SLC24A3: variants seen among roughly 807,000 people sequenced by gnomAD.
SLC24A3 encodes solute carrier family 24 member 3.
Under a neutral mutation model 75.8 loss-of-function variants are expected in SLC24A3, and 28 were observed. That is an observed-to-expected ratio of 0.37 (90% CI 0.27 to 0.51). The LOEUF (loss-of-function observed/expected upper bound fraction) is 0.51. Among genes scored for constraint, SLC24A3 ranks in the 20% least tolerant of loss-of-function variants. The probability of loss-of-function intolerance (pLI) is 0.94; values close to 1 mark genes in which losing one functional copy is unlikely to be tolerated. For synonymous variants in SLC24A3, 372 were observed against 334.1 expected (o/e 1.11, Z -1.24); for missense variants, 663 against 847.8 (o/e 0.78, Z 2.71).
chr20:19,280,083 C>T (rs981468080), intron 1 of SLC24A3, among the ~76,000 whole-genome samples: 10 of 152,336 alleles, frequency 6.6e-5, no homozygotes, highest in Non-Finnish European at 1.2e-4. Flanking sequence ...CTTCCAATGA[C>T]TTCCAAAGTT....
rs184438524 is a variant in SLC24A3 at position 19,288,438 on chromosome 20, C to T, written c.271+7351C>T. 2.4e-3 allele frequency among the ~76,000 whole-genome samples: 371 copies of T among 152,272 alleles called. 1 individual carries two copies. The highest frequency in any genetic ancestry group is 8.1e-3 in the African/African-American group (335 of 41,558). ...TTTAAACACTGTTCTTTAAAAGCAG[C>T]CCAGGCAGCCTAATTTGGTGAGTGG... On this transcript the variant is annotated intron_variant, in intron 2 of 16. Transcript: ENST00000328041.
intron 2 of SLC24A3, among the ~76,000 whole-genome samples, chr20:19,353,558 A>G (rs1392526451): frequency 6.6e-6 from 1 of 152,178 alleles, no homozygotes; most frequent in Non-Finnish European, 1.5e-5. Context: ...TGTGCTAGAG[A>G]TGCAAGAACT....
chr20:19,413,014 C>A (rs1986772525), intron 2 of SLC24A3, among the ~76,000 whole-genome samples: 1 of 152,160 alleles, frequency 6.6e-6, no homozygotes, highest in Non-Finnish European at 1.5e-5. Context: ...AATGCGTCAT[C>A]TTGGCATGAA....
intron 6 of SLC24A3, among the ~76,000 whole-genome samples, chr20:19,631,252 G>T (rs2031929159): frequency 6.6e-6 from 1 of 152,158 alleles, no homozygotes; most frequent in East Asian, 1.9e-4. Context: ...CCAGCTACTT[G>T]GGAGACTGAG....
chr20:19,656,195 GAA>G (rs2032263646), intron 7 of SLC24A3, among the ~76,000 whole-genome samples: 1 of 152,174 alleles, frequency 6.6e-6, no homozygotes, highest in Non-Finnish European at 1.5e-5. Context: ...TTCTGACACT[GAA>G]AATCTTGAGT....
intron 3 of SLC24A3, among the ~76,000 whole-genome samples, chr20:19,535,271 T>C (rs1188426035): frequency 1.3e-5 from 2 of 152,200 alleles, no homozygotes; most frequent in African/African-American, 4.8e-5. Context: ...TGGTCAGTAA[T>C]TTGGGCTGGA....
intron 2 of SLC24A3, among the ~76,000 whole-genome samples, chr20:19,371,804 A>G (rs1385603292): frequency 1.3e-5 from 2 of 152,134 alleles, no homozygotes; most frequent in Non-Finnish European, 2.9e-5. Flanking sequence ...GGTCTATTCA[A>G]ACCTACCCCA....
intron 3 of SLC24A3, among the ~76,000 whole-genome samples, chr20:19,525,500 G>A (rs1399537018): frequency 6.6e-6 from 1 of 152,148 alleles, no homozygotes; most frequent in Admixed American, 6.5e-5. Flanking sequence ...TCCCACTGGG[G>A]AACTGGCAGG....
intron 2 of SLC24A3, among the ~76,000 whole-genome samples, chr20:19,381,963 C>T (rs1281862945): frequency 1.8e-4 from 27 of 152,118 alleles, no homozygotes; most frequent in Non-Finnish European, 1.5e-5. Context: ...GAAGGAAATA[C>T]AGCTTTGGAT....
At chr20:19,356,055 A>T (rs1342784167) in intron 2 of SLC24A3, among the ~76,000 whole-genome samples, 2 of 152,152 alleles carry the variant, frequency 1.3e-5, no homozygotes, top group African/African-American at 4.8e-5. Flanking sequence ...ATTAGGACCA[A>T]ACTCTGCCAC....
chr20:19,533,117 T>C (rs551510747), intron 3 of SLC24A3, among the ~76,000 whole-genome samples: 25 of 152,342 alleles, frequency 1.6e-4, no homozygotes, highest in African/African-American at 6.0e-4. Flanking sequence ...GGTCTATCGG[T>C]TGACTGCACT....
chr20:19,563,959 T>G (rs1035606645), intron 3 of SLC24A3, among the ~76,000 whole-genome samples: 1 of 152,308 alleles, frequency 6.6e-6, no homozygotes, highest in South Asian at 2.1e-4. Context: ...AAGAGCTCTA[T>G]CATCTTGTAG....
intron 3 of SLC24A3, among the ~76,000 whole-genome samples, chr20:19,545,516 T>G (rs921679448): frequency 2.6e-5 from 4 of 152,184 alleles, no homozygotes; most frequent in African/African-American, 7.2e-5. Flanking sequence ...ATCAGACAAC[T>G]AAGTCAGCCA....
At chr20:19,695,099 A>G (rs1306506662) in intron 13 of SLC24A3, among the ~76,000 whole-genome samples, 1 of 152,120 alleles carries the variant, frequency 6.6e-6, no homozygotes, top group Non-Finnish European at 1.5e-5. Flanking sequence ...TCTGCTCAGT[A>G]CTGAACAGAA....
At chr20:19,589,430 C>A (rs1029174729) in intron 6 of SLC24A3, among the ~76,000 whole-genome samples, 1 of 152,086 alleles carries the variant, frequency 6.6e-6, no homozygotes. Context: ...TGGGCTCAGG[C>A]GGAGTGGACC....
chr20:19,373,466 C>G (rs960222417), intron 2 of SLC24A3, among the ~76,000 whole-genome samples: 1 of 152,210 alleles, frequency 6.6e-6, no homozygotes, highest in Admixed American at 6.5e-5. Flanking sequence ...TGCCTGAGCA[C>G]TCAGCAGGCA....
intron 2 of SLC24A3, among the ~76,000 whole-genome samples, chr20:19,318,574 A>G (rs1012309266): frequency 6.6e-5 from 10 of 152,154 alleles, no homozygotes; most frequent in Non-Finnish European, 1.3e-4. Context: ...CAGATATGAA[A>G]TCAAGAGTGG....
chr20:19,312,026 A>G (rs1020237957), intron 2 of SLC24A3, among the ~76,000 whole-genome samples: 1 of 152,202 alleles, frequency 6.6e-6, no homozygotes, highest in African/African-American at 2.4e-5. Context: ...AACACAGGAA[A>G]TGAGCCTCTA....
At chr20:19,275,596 T>C (rs2295073) in intron 1 of SLC24A3, among the ~76,000 whole-genome samples, 24,445 of 152,006 alleles carry the variant, frequency 0.16, 2,082 homozygotes, top group East Asian at 0.24. Flanking sequence ...AGATCCATTC[T>C]TGGTGTCAGA....
Sources: allele counts gnomAD v4.1 joint callset (sites outside exome capture counted in the v4.1 genomes callset), GRCh38; gene constraint gnomAD v4.1.1; transcripts MANE v1.5; gene names NCBI Gene and HGNC (gene_info 2026-07-23, HGNC 2026-07-21).